Variants in COLEC10 observed in about 807,000 individuals in gnomAD.
COLEC10 encodes collectin subfamily member 10.
In COLEC10, 22 loss-of-function variants were observed where a neutral mutation model predicts 28.4. The ratio of observed to expected loss-of-function variants is 0.78; its 90% CI spans 0.55 to 1.11. The LOEUF (loss-of-function observed/expected upper bound fraction) is 1.11, where lower values mean the gene tolerates loss of function less well. Ranked by LOEUF, COLEC10 falls within the 50% of genes least tolerant of loss-of-function variation. COLEC10 has a pLI of 0.00. For synonymous variants in COLEC10, 125 were observed against 116.1 expected (o/e 1.08, Z -0.49); for missense variants, 361 against 344.1 (o/e 1.05, Z -0.39).
chr8:119,032,645 T>TAATC (rs1814310526), intron 2 of COLEC10, among the ~76,000 whole-genome samples: 1 of 152,202 alleles, frequency 6.6e-6, no homozygotes, highest in South Asian at 2.1e-4. Flanking sequence ...CTCATGCCTG[T>TAATC]AATCCCAGCA....
At chr8:119,025,430 C>T (rs1587004622) in intron 2 of COLEC10, among the ~76,000 whole-genome samples, 1 of 152,286 alleles carries the variant, frequency 6.6e-6, no homozygotes, top group East Asian at 1.9e-4. Flanking sequence ...TCGTGGGAAA[C>T]ACTCTCTGTG....
intron 2 of COLEC10, among the ~76,000 whole-genome samples, chr8:119,051,585 T>C (rs1435711064): frequency 6.6e-6 from 1 of 152,144 alleles, no homozygotes; most frequent in Non-Finnish European, 1.5e-5. Context: ...CACAGAATGC[T>C]CATTAACGCA....
chr8:119,103,568 G>A (rs1262238707), intron 4 of COLEC10, among the ~76,000 whole-genome samples: 1 of 151,842 alleles, frequency 6.6e-6, no homozygotes, highest in East Asian at 1.9e-4. Flanking sequence ...TAATAATCTA[G>A]TTTAGAATTG....
chr8:118,986,327 G>A, the COLEC10 span, among the ~76,000 whole-genome samples: 6 of 152,080 alleles, frequency 3.9e-5, no homozygotes, highest in Admixed American at 3.9e-4. Flanking sequence ...CTGAGCAGCA[G>A]AATAAACATA....
intron 4 of COLEC10, among the ~76,000 whole-genome samples, chr8:119,103,127 C>T (rs1235858421): frequency 3.3e-5 from 5 of 152,068 alleles, no homozygotes; most frequent in South Asian, 2.1e-4. Flanking sequence ...AATTTTACAT[C>T]GGTTTCCTTG....
At chr8:119,057,062 G>T (rs112338966) in intron 2 of COLEC10, among the ~76,000 whole-genome samples, 15 of 151,950 alleles carry the variant, frequency 9.9e-5, no homozygotes, top group Non-Finnish European at 5.9e-5. Flanking sequence ...GATATGGTTT[G>T]GCTCTGTGTT....
the COLEC10 span, among the ~76,000 whole-genome samples, chr8:118,988,145 C>A: frequency 6.6e-6 from 1 of 152,060 alleles, no homozygotes; most frequent in Admixed American, 6.6e-5. Flanking sequence ...TTGTTGAAGG[C>A]TGACTGTGAA....
At chr8:119,046,343 T>A (rs1814588010) in intron 2 of COLEC10, among the ~76,000 whole-genome samples, 1 of 152,212 alleles carries the variant, frequency 6.6e-6, no homozygotes. Flanking sequence ...GTGTCACTCA[T>A]CTTTGTTTAG....
At chr8:119,020,933 AATG>A (rs1042788318) in intron 2 of COLEC10, among the ~76,000 whole-genome samples, 2 of 152,166 alleles carry the variant, frequency 1.3e-5, no homozygotes, top group Non-Finnish European at 2.9e-5. Context: ...ACAATATTCT[AATG>A]ATGTTACTTT....
At chr8:119,041,588 G>T (rs1440365025) in intron 2 of COLEC10, among the ~76,000 whole-genome samples, 1 of 152,026 alleles carries the variant, frequency 6.6e-6, no homozygotes, top group Non-Finnish European at 1.5e-5. Context: ...CTCATTTTGT[G>T]TGCTTATGAA....
chr8:118,968,432 G>A, the COLEC10 span, among the ~76,000 whole-genome samples: 1 of 151,904 alleles, frequency 6.6e-6, no homozygotes, highest in Admixed American at 6.6e-5. Context: ...ACTCTGATTT[G>A]CCATAGAACT....
intron 3 of COLEC10, among the ~76,000 whole-genome samples, chr8:119,094,550 C>CCATGATCTGGAGGAT (rs1169432731): frequency 2.6e-5 from 4 of 152,090 alleles, no homozygotes; most frequent in Non-Finnish European, 4.4e-5. Context: ...ACTTTAGGGG[C>CCATGATCTGGAGGAT]CATGATCTGG....
At chr8:118,983,117 A>G in the COLEC10 span, among the ~76,000 whole-genome samples, 1 of 152,172 alleles carries the variant, frequency 6.6e-6, no homozygotes, top group African/African-American at 2.4e-5. Context: ...GTTGCTCTGA[A>G]CTTAGCAGTA....
intron 2 of COLEC10, among the ~76,000 whole-genome samples, chr8:119,019,156 C>A (rs1419205762): frequency 6.6e-6 from 1 of 152,164 alleles, no homozygotes; most frequent in Non-Finnish European, 1.5e-5. Flanking sequence ...GTGTCATAAA[C>A]AGATGGTATA....
At position 119,108,027 on chromosome 8, in the gene COLEC10, T is replaced by C. The variant is rs1815986335; in HGVS notation, c.*1836T>C. On this transcript the variant is annotated 3_prime_UTR_variant, in exon 6 of 6. Coordinates refer to ENST00000332843, the MANE Select transcript of COLEC10 (RefSeq NM_006438.5). ...AACCAAATAGAATGTCATTAGGATA[T>C]GATGACATGAAAGTCAAGATATCCC... is the stretch of plus-strand genomic sequence containing the variant. Among the ~76,000 whole-genome samples, 1 of 152,192 alleles carries C rather than the reference T, an allele frequency of 6.6e-6. No homozygotes were observed. Among genetic ancestry groups the C allele is most frequent in the Admixed American group, 6.6e-5 (1 of 15,262 alleles).
chr8:119,101,203 C>T (rs1815817705), intron 3 of COLEC10, among the ~76,000 whole-genome samples: 1 of 152,170 alleles, frequency 6.6e-6, no homozygotes, highest in African/African-American at 2.4e-5. Context: ...ATTCTCTGAC[C>T]ACACCACATT....
Position 119,105,777 on chromosome 8 carries a change from T to G in COLEC10, c.443-23T>G, listed in dbSNP as rs754480680. 5.7e-6 allele frequency: 9 copies of G among 1,580,372 alleles called. No homozygotes were observed. The South Asian group carries it at 1.0e-4, about 18-fold the overall frequency. On this transcript the variant is annotated intron_variant, in intron 5 of 5. Transcript: ENST00000332843. ...TTTATCTTTTTGAGATACGTAATGA[T>G]ACTCCTTTTTCTCTCCCTGCAGTGA...
chr8:118,997,481 T>C (rs748596728), intron 1 of COLEC10, among the ~76,000 whole-genome samples: 6 of 152,232 alleles, frequency 3.9e-5, no homozygotes, highest in Non-Finnish European at 5.9e-5. Context: ...AGTTTAGTTT[T>C]GTTCACAAAT....
chr8:119,017,288 G>C (rs528257470), intron 2 of COLEC10, among the ~76,000 whole-genome samples: 193 of 152,304 alleles, frequency 1.3e-3, no homozygotes, highest in Non-Finnish European at 2.3e-3. Flanking sequence ...AGTTTGGAGA[G>C]TGAGTTTAGG....
Sources: gnomAD v4.1 joint callset for allele counts (sites outside exome capture counted in the v4.1 genomes callset) on GRCh38, gnomAD v4.1.1 for gene constraint, MANE v1.5 for transcripts, NCBI Gene and HGNC (gene_info 2026-07-23, HGNC 2026-07-21) for gene names.